Variants in SPAG17 observed in about 807,000 individuals in gnomAD.
SPAG17 encodes the protein sperm associated antigen 17.
Under a neutral mutation model 273.6 loss-of-function variants are expected in SPAG17, and 169 were observed. The observed-to-expected ratio is 0.62, with a 90% CI of 0.55 to 0.70. The LOEUF (loss-of-function observed/expected upper bound fraction) is 0.70. Among genes scored for constraint, SPAG17 ranks in the 30% least tolerant of loss-of-function variants. The pLI is 0.00. For missense variants in SPAG17, 2,557 were observed against 2,627.8 expected, an observed-to-expected ratio of 0.97 and a Z score of 0.59; for synonymous variants, 825 against 873.2, an observed-to-expected ratio of 0.94 and a Z score of 0.97.
At position 118,093,197 on chromosome 1, in the gene SPAG17, C is replaced by T; in HGVS notation, c.1132G>A (p.Val378Ile). The change falls in exon 8 of 49, where the codon GTT becomes ATT. Residue 378 changes from valine to isoleucine, a missense_variant. Physicochemically the swap from Val to Ile is conservative, Grantham distance 29 (BLOSUM62 3). Transcript: ENST00000336338. ...SMQLINVPQV[V>I]NEKPVLEAMP... ...GCTTCTAATACAGGTTTCTCATTAA[C>T]CACTTGTGGAACATTAATAAGCTGC... 6.2e-7 allele frequency: 1 copy of T among 1,613,634 alleles called. No homozygotes were observed. The highest frequency in any genetic ancestry group is 8.5e-7 in the Non-Finnish European group (1 of 1,179,732).
At chr1:118,006,205 C>T (rs978071238) in intron 31 of SPAG17, among the ~76,000 whole-genome samples, 59 of 152,160 alleles carry the variant, frequency 3.9e-4, no homozygotes, top group African/African-American at 1.2e-3. Context: ...TCACTAATTC[C>T]GTAACACTTT....
intron 3 of SPAG17, among the ~76,000 whole-genome samples, chr1:118,139,514 C>T (rs996218381): frequency 2.0e-5 from 3 of 152,140 alleles, no homozygotes; most frequent in African/African-American, 7.2e-5. Context: ...TCTGCACCTC[C>T]ATGTTCATTG....
Position 118,142,942 on chromosome 1 carries a change from A to C in SPAG17, c.315+7601T>G, listed in dbSNP as rs1005891505. On this transcript the variant is annotated intron_variant, in intron 3 of 48. Transcript: ENST00000336338. The stretch of plus-strand genomic sequence containing the variant: ...TCTCTCCACACTTTGATCTCTGCTG[A>C]ATATGTATTAACTTCCCTCTTATTT... 1.6e-4 allele frequency among the ~76,000 whole-genome samples: 24 copies of C among 152,202 alleles called. 1 individual carries two copies. The highest frequency in any genetic ancestry group is 2.4e-5 in the African/African-American group (1 of 41,450).
rs57793942 is a variant in SPAG17 at position 118,135,371 on chromosome 1, A to ATGTGTGTG, written c.315+15164_315+15171dup. On this transcript the variant is annotated intron_variant, in intron 3 of 48. Transcript: ENST00000336338. ...AAACTGTGGTTTATCAGCTCAAGCA[A>ATGTGTGTG]TGTGTGTGTGTGTGTGTGTGTGTGT... Among the ~76,000 whole-genome samples the ATGTGTGTG allele has an allele frequency of 3.0e-3, 418 of 140,010 alleles. 2 individuals carry two copies. Among genetic ancestry groups the ATGTGTGTG allele is most frequent in the African/African-American group, 0.01 (387 of 37,556 alleles). 91.9% of individuals were successfully genotyped at this position (140,010 alleles called of 152,430 possible).
At chr1:118,089,492 C>G (rs924461418) in intron 10 of SPAG17, among the ~76,000 whole-genome samples, 1 of 151,734 alleles carries the variant, frequency 6.6e-6, no homozygotes. Context: ...ACCATAAGGA[C>G]AAGTATGATA....
chr1:118,052,816 C>A lies in SPAG17; in HGVS notation c.2814+1186G>T, dbSNP rs112723248. 4.6e-3 allele frequency among the ~76,000 whole-genome samples: 695 copies of A among 151,978 alleles called. 9 individuals carry two copies. The highest frequency in any genetic ancestry group is 0.016 in the African/African-American group (646 of 41,492). ...ATAAAAATTCCAAATAAAATGCTAT[C>A]AAATCAAACCCAGTTTTTTATGGAA... On this transcript the variant is annotated intron_variant, in intron 20 of 48. Transcript: ENST00000336338.
intron 45 of SPAG17, 86 bp downstream of exon 45, chr1:117,971,777 T>A: frequency 8.4e-7 from 1 of 1,191,304 alleles, no homozygotes; most frequent in East Asian, 2.4e-5. Context: ...TTCGGTTCAA[T>A]AAACATTTAT....
intron 3 of SPAG17, among the ~76,000 whole-genome samples, chr1:118,124,194 T>C (rs1558029614): frequency 6.6e-6 from 1 of 152,224 alleles, no homozygotes; most frequent in Non-Finnish European, 1.5e-5. Flanking sequence ...TCTACTATCA[T>C]GGCAATGTTT....
At position 118,071,982 on chromosome 1, in the gene SPAG17, A is replaced by G. The variant is rs76477387; in HGVS notation, c.2385+1872T>C. On this transcript the variant is annotated intron_variant, in intron 17 of 48. Coordinates refer to ENST00000336338, the MANE Select transcript of SPAG17 (RefSeq NM_206996.4). ...GATTGCACCGGCTTGCCAGAACAAT[A>G]CATAGAAACAGAACCACACAAAGGC... is the stretch of plus-strand genomic sequence containing the variant. 4.2e-3 allele frequency among the ~76,000 whole-genome samples: 645 copies of G among 152,332 alleles called. 4 individuals are homozygous for G. Among genetic ancestry groups the G allele is most frequent in the African/African-American group, 0.015 (613 of 41,582 alleles).
chr1:118,086,906 G>T lies in SPAG17; in HGVS notation c.1462C>A (p.Leu488Met). 1 of 1,613,638 alleles carries T rather than the reference G, an allele frequency of 6.2e-7. No individual in the cohort carries two copies. The highest frequency in any genetic ancestry group is 1.1e-5 in the South Asian group (1 of 91,022). ...CTCTCTGAGAGACAGAGTGAGGGCA[G>T]AAGGGACACAATGTGAGCTGCGATT... ...HRIAAHIVSL[L>M]PSLCLSEREK... Residue 488 changes from leucine (L) to methionine (M), a missense_variant, in exon 11 of 49, where the codon CTG becomes ATG. Physicochemically the swap from Leu to Met is conservative, Grantham distance 15 (BLOSUM62 2). Transcript: ENST00000336338.
rs185312685 is a variant in SPAG17, at chr1:118,043,341, G to C, written c.2815-1299C>G. Among the ~76,000 whole-genome samples the C allele has an allele frequency of 1.5e-3, 236 of 152,292 alleles. 1 individual carries two copies. Among genetic ancestry groups the C allele is most frequent in the African/African-American group, 5.4e-3 (224 of 41,570 alleles). On this transcript the variant is annotated intron_variant, in intron 20 of 48. Transcript: ENST00000336338. ...AAATAACATTGGTGTATCGGACCTA[G>C]CTCACATTAACTTAAAAGAGATTAT... is the stretch of plus-strand genomic sequence containing the variant.
intron 24 of SPAG17, among the ~76,000 whole-genome samples, chr1:118,035,790 C>T (rs1025914435): frequency 6.6e-6 from 1 of 152,174 alleles, no homozygotes; most frequent in Admixed American, 6.5e-5. Context: ...TTAGATCCCT[C>T]TAAAATGCAT....
At chr1:118,142,749 G>A (rs1029670834) in intron 3 of SPAG17, among the ~76,000 whole-genome samples, 5 of 152,104 alleles carry the variant, frequency 3.3e-5, no homozygotes, top group Non-Finnish European at 2.9e-5. Context: ...TATGTAACTC[G>A]TGCAAGATTA....
At chr1:118,145,360 G>A (rs1259628016) in intron 3 of SPAG17, among the ~76,000 whole-genome samples, 1 of 152,134 alleles carries the variant, frequency 6.6e-6, no homozygotes, top group Non-Finnish European at 1.5e-5. Flanking sequence ...GTTCTCACTT[G>A]TCAATTACTA....
chr1:118,170,411 G>T (rs151189423), intron 1 of SPAG17, among the ~76,000 whole-genome samples: 71 of 152,236 alleles, frequency 4.7e-4, no homozygotes, highest in African/African-American at 1.7e-3. Context: ...GGTTAGGGTT[G>T]CTAGGAAAGC....
chr1:118,165,682 G>A (rs749265989), intron 1 of SPAG17, among the ~76,000 whole-genome samples: 4 of 117,536 alleles, frequency 3.4e-5, no homozygotes, highest in Non-Finnish European at 6.5e-5. Context: ...GTCTCGCTCT[G>A]TCACCCAGGT....
chr1:117,997,647 A>G (rs1657806132), intron 32 of SPAG17, among the ~76,000 whole-genome samples: 1 of 151,940 alleles, frequency 6.6e-6, no homozygotes, highest in Non-Finnish European at 1.5e-5. Flanking sequence ...CAGGCACGAT[A>G]GTAAATATTT....
intron 1 of SPAG17, among the ~76,000 whole-genome samples, chr1:118,173,961 A>T (rs1185876194): frequency 6.6e-6 from 1 of 152,066 alleles, no homozygotes; most frequent in African/African-American, 2.4e-5. Context: ...GGCTGTTGCT[A>T]AGGCTCAGGA....
intron 1 of SPAG17, among the ~76,000 whole-genome samples, chr1:118,161,083 T>A (rs1358690282): frequency 6.6e-6 from 1 of 152,244 alleles, no homozygotes; most frequent in Non-Finnish European, 1.5e-5. Context: ...TAAATGTATA[T>A]GATGTAACAA....
Sources: allele counts gnomAD v4.1 joint callset (sites outside exome capture counted in the v4.1 genomes callset), GRCh38; gene constraint gnomAD v4.1.1; transcripts MANE v1.5; gene names NCBI Gene and HGNC (gene_info 2026-07-23, HGNC 2026-07-21).